SEM1: variants seen among roughly 807,000 people sequenced by gnomAD.
SEM1 encodes the protein 26S proteasome complex subunit SEM1.
Under a neutral mutation model 12.7 loss-of-function variants are expected in SEM1, and 3 were observed. The observed-to-expected ratio is 0.24, with a 90% confidence interval of 0.11 to 0.61. SEM1 has a LOEUF of 0.61. SEM1 is among the 20% of genes least tolerant of loss of function. The probability of loss-of-function intolerance (pLI) is 0.88; values close to 1 mark genes in which losing one functional copy is unlikely to be tolerated. For synonymous variants in SEM1, 30 were observed against 27.8 expected, an observed-to-expected ratio of 1.08 and a Z score of -0.25; for missense variants, 59 against 81.3, an observed-to-expected ratio of 0.73 and a Z score of 1.06.
chr7:96,610,451 C>T (rs893318446), intron 2 of SEM1, among the ~76,000 whole-genome samples: 1 of 152,054 alleles, frequency 6.6e-6, no homozygotes, highest in Non-Finnish European at 1.5e-5. Flanking sequence ...GAATTATCTG[C>T]TATGAAGGTG....
chr7:96,491,769 A>G (rs915283926), intron 1 of SEM1, among the ~76,000 whole-genome samples: 26 of 152,250 alleles, frequency 1.7e-4, no homozygotes, highest in African/African-American at 5.5e-4. Flanking sequence ...ACAGTAATAT[A>G]TCTGAAGTCT....
At chr7:96,484,112 G>C in intron 3 of SEM1, 2 of 909,846 alleles carry the variant, frequency 2.2e-6, no homozygotes, top group Non-Finnish European at 3.2e-6. Context: ...TTTTAGAGAT[G>C]AGAAAACTGA....
At chr7:96,630,298 A>G (rs1371812764) in intron 2 of SEM1, among the ~76,000 whole-genome samples, 1 of 152,152 alleles carries the variant, frequency 6.6e-6, no homozygotes, top group Non-Finnish European at 1.5e-5. Flanking sequence ...TTAGAATTCT[A>G]CGTGGTATTC....
At chr7:96,610,363 T>C (rs1807504438) in intron 2 of SEM1, among the ~76,000 whole-genome samples, 1 of 152,100 alleles carries the variant, frequency 6.6e-6, no homozygotes, top group Non-Finnish European at 1.5e-5. Flanking sequence ...CCTCCCAAGG[T>C]GCTGGGATTA....
chr7:96,517,075 A>G (rs1331678102), intron 2 of SEM1, among the ~76,000 whole-genome samples: 1 of 152,158 alleles, frequency 6.6e-6, no homozygotes, highest in African/African-American at 2.4e-5. Context: ...CTCTGGGAGG[A>G]AGAGACAAAT....
downstream of SEM1, among the ~76,000 whole-genome samples, chr7:96,619,836 C>G (rs1261737508): frequency 6.6e-6 from 1 of 152,108 alleles, no homozygotes; most frequent in East Asian, 1.9e-4. Context: ...ATGTTCTTCC[C>G]CTAGATGGGT....
At chr7:96,705,981 T>C (rs893039729) in intron 1 of SEM1, among the ~76,000 whole-genome samples, 1 of 152,118 alleles carries the variant, frequency 6.6e-6, no homozygotes, top group Non-Finnish European at 1.5e-5. Context: ...CAAAATCATA[T>C]CAAAATCAAT....
chr7:96,630,910 G>A (rs1364632195), intron 2 of SEM1, among the ~76,000 whole-genome samples: 1 of 152,168 alleles, frequency 6.6e-6, no homozygotes, highest in Non-Finnish European at 1.5e-5. Context: ...CTGGTCTCAG[G>A]TATGTATAGA....
intron 2 of SEM1, among the ~76,000 whole-genome samples, chr7:96,616,964 C>T (rs114415255): frequency 1.6e-3 from 247 of 152,034 alleles, no homozygotes; most frequent in African/African-American, 5.5e-3. Flanking sequence ...TAGTAGAATT[C>T]GAAGTCAGGT....
At chr7:96,553,692 C>T (rs1805375999) in intron 2 of SEM1, among the ~76,000 whole-genome samples, 1 of 151,828 alleles carries the variant, frequency 6.6e-6, no homozygotes, top group South Asian at 2.1e-4. Context: ...TTTTTTGGTT[C>T]CATATGAACT....
intron 2 of SEM1, among the ~76,000 whole-genome samples, chr7:96,555,194 C>T (rs1805442302): frequency 6.6e-6 from 1 of 151,538 alleles, no homozygotes; most frequent in Non-Finnish European, 1.5e-5. Context: ...GTCTCTATTT[C>T]CTTCAGTTCT....
chr7:96,552,195 C>CTT (rs34556753), intron 2 of SEM1, among the ~76,000 whole-genome samples: 9,934 of 151,336 alleles, frequency 0.066, 1,090 homozygotes, highest in African/African-American at 0.23. Flanking sequence ...GAGTTTCTCT[C>CTT]TTTTTTTTAT....
chr7:96,694,264 A>C (rs927109388), intron 2 of SEM1, among the ~76,000 whole-genome samples: 1 of 151,990 alleles, frequency 6.6e-6, no homozygotes, highest in African/African-American at 2.4e-5. Flanking sequence ...CTGGAACTAA[A>C]TAGAGATGAT....
chr7:96,634,747 T>C (rs886907518), intron 2 of SEM1, among the ~76,000 whole-genome samples: 4 of 151,838 alleles, frequency 2.6e-5, no homozygotes, highest in African/African-American at 9.7e-5. Context: ...TCAAAGAAAG[T>C]ATCAGGCTTG....
exon 4 of SEM1, chr7:96,483,292 C>T (rs1448686496): frequency 6.5e-6 from 1 of 153,172 alleles, no homozygotes; most frequent in African/African-American, 2.4e-5. Flanking sequence ...CTTTATGCCA[C>T]ATGGGTAAGA....
At chr7:96,578,418 A>G (rs1035569738) in intron 2 of SEM1, among the ~76,000 whole-genome samples, 1 of 152,200 alleles carries the variant, frequency 6.6e-6, no homozygotes, top group African/African-American at 2.4e-5. Context: ...GATTGAGACC[A>G]TCAGAAGATG....
intron 1 of SEM1, among the ~76,000 whole-genome samples, chr7:96,704,984 C>T (rs1444519239): frequency 1.3e-5 from 2 of 152,218 alleles, no homozygotes; most frequent in African/African-American, 4.8e-5. Context: ...TTCTACACTC[C>T]TACCTGTCAA....
intron 1 of SEM1, among the ~76,000 whole-genome samples, chr7:96,706,604 G>C (rs1488155799): frequency 1.4e-5 from 2 of 139,320 alleles, no homozygotes; most frequent in African/African-American, 5.3e-5. Context: ...AAGAGAGAGA[G>C]AAGAAACAAT....
At chr7:96,539,750 C>G (rs1265402169) in intron 2 of SEM1, among the ~76,000 whole-genome samples, 2 of 151,686 alleles carry the variant, frequency 1.3e-5, no homozygotes, top group African/African-American at 4.8e-5. Flanking sequence ...GCACTCAGAC[C>G]AGGGCCTGTT....
Sources: allele counts gnomAD v4.1 joint callset (sites outside exome capture counted in the v4.1 genomes callset), GRCh38; gene constraint gnomAD v4.1.1; transcripts MANE v1.5; gene names NCBI Gene and HGNC (gene_info 2026-07-23, HGNC 2026-07-21).